The following PCSK5 variants were observed in gnomAD, a reference collection of about 807,000 sequenced individuals.
PCSK5 encodes prohormone convertase 5.
Under a neutral mutation model 233.2 loss-of-function variants are expected in PCSK5, and 129 were observed. The ratio of observed to expected loss-of-function variants is 0.55; its 90% CI spans 0.48 to 0.64. The LOEUF (loss-of-function observed/expected upper bound fraction) is 0.64. PCSK5 is among the 30% of genes least tolerant of loss of function. The pLI, the probability that PCSK5 is intolerant of heterozygous loss-of-function variation, is 0.00. For missense variants in PCSK5, 2,076 were observed against 2,430.1 expected (o/e 0.85, Z 3.06); for synonymous variants, 825 against 879.2 (o/e 0.94, Z 1.09).
chr9:76,002,021 T>C (rs1827284061), intron 3 of PCSK5, among the ~76,000 whole-genome samples: 1 of 151,938 alleles, frequency 6.6e-6, no homozygotes, highest in Non-Finnish European at 1.5e-5. Flanking sequence ...GAAGGGAAAA[T>C]GAAGGAAAGA....
intron 22 of PCSK5, among the ~76,000 whole-genome samples, chr9:76,236,739 T>C (rs1826262716): frequency 6.6e-6 from 1 of 152,094 alleles, no homozygotes; most frequent in African/African-American, 2.4e-5. Flanking sequence ...TTTTAAACAC[T>C]GAGACCCCCT....
At chr9:76,312,977 A>G (rs975163164) in intron 30 of PCSK5, among the ~76,000 whole-genome samples, 4 of 152,198 alleles carry the variant, frequency 2.6e-5, no homozygotes, top group African/African-American at 9.6e-5. Context: ...AAGAGATTCC[A>G]AGAGAAAAGA....
rs150098784 is a variant in PCSK5, at chr9:75,929,804, A to G, written c.193-2575A>G. ...GGCACGTCTCACATGACAGCAGACA[A>G]GAGAAGAGAATGAGGGCCAAGCGAC... On this transcript the variant is annotated intron_variant, in intron 1 of 37. Coordinates refer to ENST00000674117, the MANE Select transcript of PCSK5 (RefSeq NM_001372043.1). Among the ~76,000 whole-genome samples the G allele has an allele frequency of 3.9e-3, 596 of 152,160 alleles. 2 individuals are homozygous for G. The highest frequency in any genetic ancestry group is 0.014 in the African/African-American group (568 of 41,494).
chr9:76,245,223 G>C (rs1354396548), intron 24 of PCSK5, among the ~76,000 whole-genome samples: 1 of 152,148 alleles, frequency 6.6e-6, no homozygotes, highest in Admixed American at 6.5e-5. Flanking sequence ...AATAAATATA[G>C]TGGTTAATGT....
intron 5 of PCSK5, among the ~76,000 whole-genome samples, chr9:76,051,017 C>G (rs1829611504): frequency 6.6e-6 from 1 of 152,138 alleles, no homozygotes; most frequent in South Asian, 2.1e-4. Flanking sequence ...TTTGCAACAG[C>G]CTATGAATAT....
At chr9:75,948,129 G>T (rs1031550685) in intron 2 of PCSK5, among the ~76,000 whole-genome samples, 8 of 152,026 alleles carry the variant, frequency 5.3e-5, no homozygotes, top group Non-Finnish European at 1.2e-4. Context: ...TTATAGGCAT[G>T]AGCCATCATG....
At chr9:76,144,262 C>G (rs1823348137) in intron 10 of PCSK5, among the ~76,000 whole-genome samples, 1 of 152,098 alleles carries the variant, frequency 6.6e-6, no homozygotes, top group African/African-American at 2.4e-5. Flanking sequence ...ATGGTTTTGT[C>G]AGGAAATCAT....
At position 76,351,424 on chromosome 9, in the gene PCSK5, C is replaced by G. The variant is rs78969346; in HGVS notation, c.5067+496C>G. The stretch of plus-strand genomic sequence containing the variant: ...ATTTCTGGTTTCTACCAGAAACCGC[C>G]CCCCCCTGCAATGTGAAAGAAAGGA... On this transcript the variant is annotated intron_variant, in intron 36 of 37. Transcript: ENST00000674117. Among the ~76,000 whole-genome samples, 9 of 108,952 alleles carry G rather than the reference C, an allele frequency of 8.3e-5. 1 individual carries two copies. The highest frequency in any genetic ancestry group is 2.1e-4 in the African/African-American group (6 of 28,874). 71.5% of individuals were successfully genotyped at this position (108,952 alleles called of 152,430 possible). A position where few individuals can be genotyped will look rare whatever the true frequency, so the allele number is the denominator to read the frequency against.
Position 76,159,115 on chromosome 9 carries a change from C to T in PCSK5, c.1563C>T (p.Asp521=), listed in dbSNP as rs1345661844. The change falls in exon 12 of 38, where the codon GAC becomes GAT. Residue 521 remains aspartate (D), a synonymous_variant. Transcript: ENST00000674117. Reference sequence around the variant, plus strand: ...CCATCACCCACCCCAGGAGAGGAGACCTGGCCATCTACCTGACCTCGCCCT... The same window carrying T: ...CCATCACCCACCCCAGGAGAGGAGATCTGGCCATCTACCTGACCTCGCCCT... The part of the protein sequence containing the change: ...RITITHPRRG[D]LAIYLTSPSG... 1 of 1,614,150 alleles carries T rather than the reference C, an allele frequency of 6.2e-7. No homozygotes were observed. Among genetic ancestry groups the T allele is most frequent in the Non-Finnish European group, 8.5e-7 (1 of 1,180,012 alleles).
intron 20 of PCSK5, chr9:76,195,349 G>A (rs995700023): frequency 6.6e-6 from 1 of 152,168 alleles, no homozygotes; most frequent in Non-Finnish European, 1.5e-5. Flanking sequence ...GAGGCACGAG[G>A]TTACTGTGAT....
At chr9:76,114,232 G>A (rs953554592) in intron 9 of PCSK5, among the ~76,000 whole-genome samples, 1 of 152,096 alleles carries the variant, frequency 6.6e-6, no homozygotes, top group African/African-American at 2.4e-5. Flanking sequence ...TGCACATTTC[G>A]ACTTGAGGCC....
intron 10 of PCSK5, among the ~76,000 whole-genome samples, chr9:76,152,345 G>A (rs572699188): frequency 1.3e-5 from 2 of 152,166 alleles, no homozygotes; most frequent in Admixed American, 1.3e-4. Flanking sequence ...ATTTTAGCTG[G>A]GCTTTTACAT....
chr9:76,212,170 A>T (rs1825353504), intron 20 of PCSK5, among the ~76,000 whole-genome samples: 1 of 152,214 alleles, frequency 6.6e-6, no homozygotes. Flanking sequence ...GGCCAAGGAC[A>T]GGATGGCCCC....
At chr9:75,906,923 T>A (rs1826287417) in intron 1 of PCSK5, among the ~76,000 whole-genome samples, 1 of 152,232 alleles carries the variant, frequency 6.6e-6, no homozygotes, top group Admixed American at 6.5e-5. Context: ...TCTGTCAGTC[T>A]TTCCACCTGA....
intron 3 of PCSK5, among the ~76,000 whole-genome samples, chr9:76,019,638 G>A (rs1258796806): frequency 1.3e-5 from 2 of 152,064 alleles, no homozygotes; most frequent in African/African-American, 4.8e-5. Context: ...CATAATAAAG[G>A]TATTTATTTG....
At chr9:76,293,756 A>C (rs1302914991) in intron 25 of PCSK5, among the ~76,000 whole-genome samples, 1 of 152,264 alleles carries the variant, frequency 6.6e-6, no homozygotes, top group African/African-American at 2.4e-5. Flanking sequence ...AGCATGTTTC[A>C]TAAAACCCTC....
At chr9:76,316,561 C>CA (rs112529561) in intron 30 of PCSK5, among the ~76,000 whole-genome samples, 12,819 of 137,882 alleles carry the variant, frequency 0.093, 1,330 homozygotes, top group African/African-American at 0.26. Flanking sequence ...CCCATCTCTA[C>CA]AAAAAAAAAA....
chr9:75,941,760 G>A (rs1375843739), intron 2 of PCSK5, among the ~76,000 whole-genome samples: 1 of 152,106 alleles, frequency 6.6e-6, no homozygotes, highest in Non-Finnish European at 1.5e-5. Flanking sequence ...TTAGGAGTGT[G>A]GAAGAGACCT....
rs570067633 is a variant in PCSK5, at chr9:76,321,453, C to T, written c.3916C>T (p.Arg1306Cys). Residue 1306 changes from arginine to cysteine, a missense_variant, in exon 31 of 38, where the codon CGC becomes TGC. Physicochemically the swap from Arg to Cys is radical, Grantham distance 180. This residue lies in a region of PCSK5 where 1,510 missense variants were observed against 1,538.1 expected (regional missense o/e 0.98). Transcript: ENST00000674117. ...TTATGCAGAAGACGGCATATGTGAACGCTGTAGCTCTCCTTGCAGAACATG... is the reference window on the plus strand; with the variant it reads ...TTATGCAGAAGACGGCATATGTGAATGCTGTAGCTCTCCTTGCAGAACATG... ...GSYAEDGICE[R>C]CSSPCRTCEG... 52 of 1,608,660 alleles carry T rather than the reference C, an allele frequency of 3.2e-5. No homozygotes were observed. The highest frequency in any genetic ancestry group is 6.7e-5 in the African/African-American group (5 of 74,976).
Sources: allele counts gnomAD v4.1 joint callset (sites outside exome capture counted in the v4.1 genomes callset), GRCh38; gene constraint gnomAD v4.1.1; regional missense constraint gnomAD v4.1.1; transcripts MANE v1.5; gene names NCBI Gene and HGNC (gene_info 2026-07-23, HGNC 2026-07-21).